Variants in CRLF1 observed in about 807,000 individuals in gnomAD.
CRLF1 encodes cytokine receptor-like factor 1.
Under a neutral mutation model 48.9 loss-of-function variants are expected in CRLF1, and 36 were observed. The ratio of observed to expected loss-of-function variants is 0.74; its 90% confidence interval spans 0.56 to 0.97. The LOEUF (loss-of-function observed/expected upper bound fraction) is 0.97. CRLF1 is among the 50% of genes least tolerant of loss of function. CRLF1 has a pLI of 0.00. For missense variants in CRLF1, 534 were observed against 575.1 expected, an observed-to-expected ratio of 0.93 and a Z score of 0.73; for synonymous variants, 256 against 253.4, an observed-to-expected ratio of 1.01 and a Z score of -0.10.
At chr19:18,602,533 G>T (rs377333252) in intron 1 of CRLF1, among the ~76,000 whole-genome samples, 1 of 151,924 alleles carries the variant, frequency 6.6e-6, no homozygotes, top group Non-Finnish European at 1.5e-5. Flanking sequence ...CAGGAGGATC[G>T]CTGGAGCCCG....
chr19:18,605,898 C>T (rs1016183975), intron 1 of CRLF1, among the ~76,000 whole-genome samples: 1 of 152,116 alleles, frequency 6.6e-6, no homozygotes. Flanking sequence ...CACAAAGATT[C>T]CTCTCGCTGG....
Position 18,598,567 on chromosome 19 carries a change from G to C in CRLF1, c.562C>G (p.His188Asp). ...TGGCAGGAGTGGGGCCCCACTGTGTGGTACTCCTCACATGTGTTGTCCTGG... is the reference window on the plus strand; with the variant it reads ...TGGCAGGAGTGGGGCCCCACTGTGTCGTACTCCTCACATGTGTTGTCCTGG... The part of the protein sequence containing the change: ...YGQDNTCEEY[H>D]TVGPHSCHIP... The change falls in exon 4 of 9, where the codon CAC (histidine) becomes GAC (aspartate). Residue 188 changes from histidine to aspartate, a missense_variant. Physicochemically the swap from His to Asp is moderately conservative, Grantham distance 81. This residue lies in a region of CRLF1 where 528 missense variants were observed against 555.7 expected (regional missense o/e 0.95). Coordinates refer to ENST00000392386, the MANE Select transcript of CRLF1 (RefSeq NM_004750.5). The C allele has an allele frequency of 6.2e-7, 1 of 1,614,052 alleles. No individual in the cohort carries two copies. Among genetic ancestry groups the C allele is most frequent in the Non-Finnish European group, 8.5e-7 (1 of 1,179,966 alleles).
Position 18,599,780 on chromosome 19 carries a change from G to GCCAAC in CRLF1, c.181_182insGTTGG (p.Ser61CysfsTer90). The GCCAAC allele has an allele frequency of 6.3e-7, 1 of 1,587,828 alleles. No individual in the cohort carries two copies. ...GGCTCCTGGTGGGTCTCCGTGCACTGAGCAGGTGGCCAGCAGGGAGGAGCC... is the reference window on the plus strand; with the variant it reads ...GGCTCCTGGTGGGTCTCCGTGCACTGCCAACAGCAGGTGGCCAGCAGGGAGGAGCC... On this transcript the variant is annotated frameshift_variant, in exon 2 of 9. Transcript: ENST00000392386. LOFTEE classifies it high-confidence loss of function.
chr19:18,597,579 G>A (rs1004029626), intron 4 of CRLF1, among the ~76,000 whole-genome samples: 7 of 151,740 alleles, frequency 4.6e-5, no homozygotes, highest in Non-Finnish European at 7.4e-5. Flanking sequence ...ACAGGCGCCC[G>A]CCACTACGCC....
chr19:18,594,468 G>A, intron 6 of CRLF1, 34 bp from the exon 7 acceptor site: 1 of 1,317,684 alleles, frequency 7.6e-7, no homozygotes, highest in Non-Finnish European at 9.7e-7. Context: ...GTCAGAGCGC[G>A]CCCGGCAGGG....
chr19:18,594,032 T>TGTGGGCC, intron 8 of CRLF1, 33 bp downstream of exon 8: 17 of 695,792 alleles, frequency 2.4e-5, no homozygotes, highest in Non-Finnish European at 3.3e-5. Context: ...CTCCCCTTGC[T>TGTGGGCC]CCCTCCCGCC....
At chr19:18,598,695 G>T in intron 3 of CRLF1, 77 bp downstream of exon 3, 2 of 1,613,652 alleles carry the variant, frequency 1.2e-6, no homozygotes, top group Non-Finnish European at 1.7e-6. Flanking sequence ...ACACATGGGG[G>T]CTCAGAGAGG....
rs775318147 is a variant in CRLF1, at chr19:18,594,409, C to A, written c.1050G>T (p.Ala350=). 2.6e-6 allele frequency: 4 copies of A among 1,535,604 alleles called. No individual in the cohort carries two copies. The highest frequency in any genetic ancestry group is 2.6e-6 in the Non-Finnish European group (3 of 1,138,400). ...TCGGCTCTCCGCCCCGCGGTTCGCA[C>A]GCCCCGCCGCCCGGGCCCGGGCGCT... is the stretch of plus-strand genomic sequence containing the variant. ...RSERPGPGGG[A]CEPRGGEPSS... Residue 350 remains alanine (A), a synonymous_variant, in exon 7 of 9, where the codon GCG becomes GCT. Coordinates refer to ENST00000392386, the MANE Select transcript of CRLF1 (RefSeq NM_004750.5).
chr19:18,593,530 C>A lies in CRLF1; in HGVS notation c.*36G>T. ...CAGTTTGGGTTCGGCCTCTGCGTCT[C>A]CACGTGGCAGGGAGGGTGGCCTGAG... On this transcript the variant is annotated 3_prime_UTR_variant, in exon 9 of 9. Transcript: ENST00000392386. 3 of 1,609,798 alleles carry A rather than the reference C, an allele frequency of 1.9e-6. No homozygotes were observed. The South Asian group carries it at 3.3e-5, about 18-fold the overall frequency.
At chr19:18,601,397 C>T (rs1360970054) in intron 1 of CRLF1, among the ~76,000 whole-genome samples, 1 of 152,206 alleles carries the variant, frequency 6.6e-6, no homozygotes, top group East Asian at 1.9e-4. Flanking sequence ...CTGCGTCAGC[C>T]TCCCGAGTAG....
intron 6 of CRLF1, among the ~76,000 whole-genome samples, chr19:18,595,104 C>G (rs1349481313): frequency 1.3e-5 from 2 of 152,196 alleles, no homozygotes; most frequent in African/African-American, 4.8e-5. Flanking sequence ...CCGGCTGCAG[C>G]CAGCCCCCAG....
intron 4 of CRLF1, 125 bp from the exon 5 acceptor site, chr19:18,597,174 C>G: frequency 1.0e-6 from 1 of 1,001,730 alleles, no homozygotes; most frequent in Non-Finnish European, 1.4e-6. Flanking sequence ...TCCCTCTGCC[C>G]CCACCCCCAG....
chr19:18,600,385 T>C (rs2097809421), intron 1 of CRLF1, among the ~76,000 whole-genome samples: 1 of 151,190 alleles, frequency 6.6e-6, no homozygotes. Flanking sequence ...TTTTTTTTTT[T>C]TGAGACGCAG....
chr19:18,594,032 T>TGGGGGGC, intron 8 of CRLF1, 33 bp downstream of exon 8: 498 of 695,168 alleles, frequency 7.2e-4, no homozygotes, highest in Non-Finnish European at 9.7e-4. Flanking sequence ...CTCCCCTTGC[T>TGGGGGGC]CCCTCCCGCC....
At chr19:18,599,525 C>T in intron 2 of CRLF1, 40 bp downstream of exon 2, 2 of 1,611,248 alleles carry the variant, frequency 1.2e-6, no homozygotes, top group Non-Finnish European at 1.7e-6. Flanking sequence ...AGATGCCGCT[C>T]CCAAGAGCTA....
chr19:18,594,093 C>T lies in CRLF1; in HGVS notation c.1227G>A (p.Leu409=). ...HKTRNQDEGI[L]PSGRRGTARG... is the part of the protein sequence containing the mutation. ...TCGCCGTGCCCCGTCTGCCCGAGGGCAGGATCCCCTCGTCCTGTGCTTGGA... is the reference window on the plus strand; with the variant it reads ...TCGCCGTGCCCCGTCTGCCCGAGGGTAGGATCCCCTCGTCCTGTGCTTGGA... Residue 409 remains leucine, a synonymous_variant, in exon 8 of 9, where the codon CTG becomes CTA. Coordinates refer to ENST00000392386, the MANE Select transcript of CRLF1 (RefSeq NM_004750.5). 2 of 1,488,664 alleles carry T rather than the reference C, an allele frequency of 1.3e-6. No homozygotes were observed. Among genetic ancestry groups the T allele is most frequent in the Non-Finnish European group, 9.0e-7 (1 of 1,116,872 alleles). The allele number at this position is 1,488,664 out of a possible 1,614,324, so 92.2% of individuals were successfully genotyped here. A position where few individuals can be genotyped will look rare whatever the true frequency, so the allele number is the denominator to read the frequency against.
At chr19:18,599,105 G>C in intron 2 of CRLF1, 1 of 985,232 alleles carries the variant, frequency 1.0e-6, no homozygotes. Flanking sequence ...CTCGATCTCC[G>C]GGTTCTTTTT....
At chr19:18,594,036 T>TC in intron 8 of CRLF1, 29 bp downstream of exon 8, 236 of 402,530 alleles carry the variant, frequency 5.9e-4, no homozygotes, top group South Asian at 1.8e-3. Context: ...CCTTGCTCCC[T>TC]CCCGCCCACC....
chr19:18,594,000 C>T, intron 8 of CRLF1, 65 bp downstream of exon 8: 1 of 1,536,618 alleles, frequency 6.5e-7, no homozygotes, highest in South Asian at 1.2e-5. Flanking sequence ...GTGAACAAGA[C>T]CTGCAGCCAC....
Sources: allele counts gnomAD v4.1 joint callset (sites outside exome capture counted in the v4.1 genomes callset), GRCh38; gene constraint gnomAD v4.1.1; regional missense constraint gnomAD v4.1.1; transcripts MANE v1.5; gene names NCBI Gene and HGNC (gene_info 2026-07-23, HGNC 2026-07-21).